PDE10A: variants seen among roughly 807,000 people sequenced by gnomAD.
The protein encoded by PDE10A is phosphodiesterase 10A.
PDE10A carries 39 observed loss-of-function variants against 97.7 expected under a neutral mutation model. That is an observed-to-expected ratio of 0.40 (90% CI 0.31 to 0.52). PDE10A has a LOEUF of 0.52. PDE10A is among the 20% of genes least tolerant of loss of function. PDE10A has a pLI of 0.56. For synonymous variants in PDE10A, 371 were observed against 376.8 expected (o/e 0.98, Z 0.18); for missense variants, 731 against 1,047.8 (o/e 0.70, Z 4.17).
In PDE10A at chr6:165,379,201, A is replaced by T; in HGVS notation, c.2776T>A (p.Ser926Thr). ...TTTAAAAATTATTTTTACCTATGTG[A>T]TTGATTATTAAGGTTTAGTGATCCG... The part of the protein sequence containing the change: ...QTGSLNLNNQ[S>T]HRDRVIGLMM... Residue 926 changes from serine (S) to threonine (T), a missense_variant, in exon 18 of 22, where the codon TCA (serine) becomes ACA (threonine). This residue lies in a region of PDE10A where 96 missense variants were observed against 156.7 expected (regional missense o/e 0.61). Transcript: ENST00000539869. 4 of 1,600,668 alleles carry T rather than the reference A, an allele frequency of 2.5e-6. No homozygotes were observed. Among genetic ancestry groups the T allele is most frequent in the Non-Finnish European group, 3.4e-6 (4 of 1,174,694 alleles).
chr6:165,792,710 A>G (rs937881656), intron 1 of PDE10A, among the ~76,000 whole-genome samples: 3 of 152,046 alleles, frequency 2.0e-5, no homozygotes, highest in African/African-American at 7.2e-5. Context: ...TCCTCTCTTC[A>G]AGTCCAGACT....
intron 1 of PDE10A, among the ~76,000 whole-genome samples, chr6:165,694,025 G>GA (rs1264129547): frequency 2.0e-5 from 3 of 152,000 alleles, no homozygotes; most frequent in Non-Finnish European, 4.4e-5. Flanking sequence ...CTTTTAATGG[G>GA]TACAAGTTGA....
chr6:165,438,525 A>G (rs1339876886), intron 5 of PDE10A, among the ~76,000 whole-genome samples: 2 of 152,180 alleles, frequency 1.3e-5, no homozygotes, highest in Non-Finnish European at 2.9e-5. Flanking sequence ...CCGAATTCCC[A>G]ATTCTGTATC....
intron 2 of PDE10A, among the ~76,000 whole-genome samples, chr6:165,483,398 G>A (rs1219368886): frequency 6.6e-6 from 1 of 152,112 alleles, no homozygotes; most frequent in Non-Finnish European, 1.5e-5. Context: ...TTGCATAATG[G>A]TTAGAGTACG....
intron 1 of PDE10A, among the ~76,000 whole-genome samples, chr6:165,966,926 G>A (rs913809562): frequency 6.6e-6 from 1 of 151,982 alleles, no homozygotes; most frequent in Admixed American, 6.6e-5. Context: ...GGAGAAAGAG[G>A]GAAGAAAAAC....
At chr6:165,354,756 T>C (rs1372761443) in intron 18 of PDE10A, among the ~76,000 whole-genome samples, 1 of 152,124 alleles carries the variant, frequency 6.6e-6, no homozygotes, top group Non-Finnish European at 1.5e-5. Flanking sequence ...AACTCGAGTG[T>C]TATAAGGAAC....
At position 165,686,451 on chromosome 6, in the gene PDE10A, T is replaced by A. The variant is rs112901230; in HGVS notation, c.-614-142883A>T. On this transcript the variant is annotated intron_variant, in intron 1 of 19. Transcript: ENST00000366882. ...TTACTTTCCGCCTTCAGGTGTAACA[T>A]CCTGTTGCTGTTGCTCTGGCAGGAG... Among the ~76,000 whole-genome samples the A allele has an allele frequency of 3.3e-5, 5 of 152,290 alleles. 1 individual carries two copies. The highest frequency in any genetic ancestry group is 1.2e-4 in the African/African-American group (5 of 41,568).
chr6:165,346,124 T>C (rs1322220426), intron 18 of PDE10A, among the ~76,000 whole-genome samples: 1 of 152,136 alleles, frequency 6.6e-6, no homozygotes, highest in African/African-American at 2.4e-5. Context: ...AAAATCTTGG[T>C]GTCTTTTCCC....
At chr6:165,659,933 C>G (rs1790153320) in intron 1 of PDE10A, 1 of 152,702 alleles carries the variant, frequency 6.5e-6, no homozygotes, top group African/African-American at 2.4e-5. Flanking sequence ...CAACAGAAGC[C>G]CCATCATTTC....
intron 1 of PDE10A, among the ~76,000 whole-genome samples, chr6:165,857,945 C>G (rs1418741972): frequency 1.3e-5 from 2 of 152,158 alleles, no homozygotes; most frequent in Non-Finnish European, 2.9e-5. Context: ...TCACTGATAA[C>G]TTCTTTTTCC....
chr6:165,878,176 A>G (rs1003105389), intron 1 of PDE10A, among the ~76,000 whole-genome samples: 4 of 152,208 alleles, frequency 2.6e-5, no homozygotes, highest in Admixed American at 2.0e-4. Flanking sequence ...CACATTTTAC[A>G]AAATCAGATT....
At chr6:165,911,447 TATGTC>T (rs1782451622) in intron 1 of PDE10A, among the ~76,000 whole-genome samples, 1 of 152,186 alleles carries the variant, frequency 6.6e-6, no homozygotes, top group South Asian at 2.1e-4. Flanking sequence ...ACTATGTACT[TATGTC>T]ATTCTATTGA....
At chr6:165,586,868 T>C (rs1785944400) in intron 1 of PDE10A, among the ~76,000 whole-genome samples, 1 of 152,164 alleles carries the variant, frequency 6.6e-6, no homozygotes, top group Admixed American at 6.5e-5. Context: ...AACTCTTTTA[T>C]ATTTGCCTTG....
intron 1 of PDE10A, among the ~76,000 whole-genome samples, chr6:165,616,418 C>T (rs3008016): frequency 0.25 from 38,146 of 150,948 alleles, 4,843 homozygotes; most frequent in African/African-American, 0.3. Context: ...AAACACTTTT[C>T]AAAAAAAAAT....
At chr6:165,773,440 T>C (rs1388504417) in intron 1 of PDE10A, among the ~76,000 whole-genome samples, 1 of 152,236 alleles carries the variant, frequency 6.6e-6, no homozygotes, top group Non-Finnish European at 1.5e-5. Flanking sequence ...ACTTGAACCC[T>C]ATTTCTTCAT....
rs564099717 is a variant in PDE10A, at chr6:165,679,557, C to T, written c.-614-135989G>A. 3.3e-5 allele frequency among the ~76,000 whole-genome samples: 5 copies of T among 152,332 alleles called. No individual in the cohort carries two copies. The East Asian group carries it at 9.7e-4, about 30-fold the overall frequency. ...AGAGGCTGCGGTCAGGCGTGCCTGG[C>T]CCCACACTGTCACAGCACAGGAACG... On this transcript the variant is annotated intron_variant, in intron 1 of 19. Transcript: ENST00000366882.
intron 1 of PDE10A, among the ~76,000 whole-genome samples, chr6:165,573,214 T>C (rs1006313593): frequency 2.0e-5 from 3 of 151,804 alleles, no homozygotes; most frequent in African/African-American, 4.8e-5. Flanking sequence ...TATAGAATAA[T>C]GTACTGCGCA....
At chr6:165,906,783 A>G (rs777370695) in intron 1 of PDE10A, among the ~76,000 whole-genome samples, 3 of 152,222 alleles carry the variant, frequency 2.0e-5, no homozygotes, top group Non-Finnish European at 2.9e-5. Context: ...CCTTAGGATC[A>G]GGAGTTCTAA....
chr6:165,562,773 T>C (rs1784582005), intron 1 of PDE10A, among the ~76,000 whole-genome samples: 1 of 152,132 alleles, frequency 6.6e-6, no homozygotes, highest in Admixed American at 6.5e-5. Flanking sequence ...GCCTGGCACG[T>C]AGTAAAATTT....
Sources: gnomAD v4.1 joint callset for allele counts (sites outside exome capture counted in the v4.1 genomes callset) on GRCh38, gnomAD v4.1.1 for gene constraint, gnomAD v4.1.1 regional missense constraint, MANE v1.5 for transcripts, NCBI Gene and HGNC (gene_info 2026-07-23, HGNC 2026-07-21) for gene names.